The following WASHC4 variants were observed in gnomAD, a reference collection of about 807,000 sequenced individuals.
WASHC4 encodes the protein WASH complex subunit 7.
WASHC4 carries 86 observed loss-of-function variants against 166.6 expected under a neutral mutation model. The ratio of observed to expected loss-of-function variants is 0.52; its 90% CI spans 0.43 to 0.62. The LOEUF is 0.62. WASHC4 is among the 20% of genes least tolerant of loss of function. The probability of loss-of-function intolerance (pLI) is 0.00; values close to 1 mark genes in which losing one functional copy is unlikely to be tolerated. For missense variants in WASHC4, 1,262 were observed against 1,382.4 expected, an observed-to-expected ratio of 0.91 and a Z score of 1.38; for synonymous variants, 446 against 451.6, an observed-to-expected ratio of 0.99 and a Z score of 0.16.
At position 105,147,073 on chromosome 12, in the gene WASHC4, A is replaced by T; in HGVS notation, c.2441A>T (p.His814Leu). The T allele has an allele frequency of 1.2e-6, 2 of 1,610,392 alleles. No individual in the cohort carries two copies. Among genetic ancestry groups the T allele is most frequent in the Non-Finnish European group, 1.7e-6 (2 of 1,176,596 alleles). ...IFIERTSNNK[H>L]LNTINIRHIA... ...ATTGAACGAACAAGCAATAACAAGC[A>T]TTTGAATACTATTAATATTCGGCAT... is the stretch of plus-strand genomic sequence containing the variant. The change falls in exon 24 of 33, where the codon CAT (histidine) becomes CTT (leucine). Residue 814 changes from histidine to leucine, a missense_variant. Transcript: ENST00000332180.
intron 10 of WASHC4, 53 bp from the exon 11 acceptor site, chr12:105,125,951 T>C: frequency 6.5e-7 from 1 of 1,549,268 alleles, no homozygotes; most frequent in South Asian, 1.1e-5. Context: ...ATTTAAATGT[T>C]TAATCGTTTA....
intron 9 of WASHC4, among the ~76,000 whole-genome samples, chr12:105,121,431 T>C (rs1342220660): frequency 1.3e-5 from 2 of 152,214 alleles, no homozygotes; most frequent in African/African-American, 2.4e-5. Context: ...CTAATTCTTA[T>C]AGTAGTAGAA....
At chr12:105,115,584 A>AG in intron 5 of WASHC4, 77 bp from the exon 6 acceptor site, 1 of 1,074,432 alleles carries the variant, frequency 9.3e-7, no homozygotes. Context: ...AAAAAAAAAA[A>AG]CTTTTCCCCC....
chr12:105,130,390 T>A lies in WASHC4; in HGVS notation c.1199+3101T>A, dbSNP rs139469822. On this transcript the variant is annotated intron_variant, in intron 13 of 32. Coordinates refer to ENST00000332180, the MANE Select transcript of WASHC4 (RefSeq NM_015275.3). Reference sequence around the variant, plus strand: ...CAGTCCAAGATCTGTGGGAAGTGAGTCTTACTAAGTGGACAGTTGAATAAG... The same window carrying A: ...CAGTCCAAGATCTGTGGGAAGTGAGACTTACTAAGTGGACAGTTGAATAAG... 3.5e-4 allele frequency among the ~76,000 whole-genome samples: 54 copies of A among 152,246 alleles called. 1 individual carries two copies. The East Asian group carries it at 9.8e-3, about 28-fold the overall frequency.
Position 105,144,699 on chromosome 12 carries a change from A to C in WASHC4, c.2180-19A>C, listed in dbSNP as rs1364623252. On this transcript the variant is annotated intron_variant, in intron 21 of 32. Coordinates refer to ENST00000332180, the MANE Select transcript of WASHC4 (RefSeq NM_015275.3). Reference sequence around the variant, plus strand: ...TCCTTTTCTACTGTTTCACAAGTTGAATTTTTTTTTTTTGGTAGCTTACGT... The same window carrying C: ...TCCTTTTCTACTGTTTCACAAGTTGCATTTTTTTTTTTTGGTAGCTTACGT... 1 of 1,595,682 alleles carries C rather than the reference A, an allele frequency of 6.3e-7. No homozygotes were observed. The highest frequency in any genetic ancestry group is 1.4e-5 in the African/African-American group (1 of 74,010).
Position 105,164,667 on chromosome 12 carries a change from G to C in WASHC4, c.3381G>C (p.Leu1127=). 6.2e-7 allele frequency: 1 copy of C among 1,612,842 alleles called. No individual in the cohort carries two copies. The highest frequency in any genetic ancestry group is 8.5e-7 in the Non-Finnish European group (1 of 1,179,210). ...LQEFELLYFS[L]SSARIFFRAD... ...AATTTGAATTGCTGTATTTCTCACT[G>C]AGCAGTGCAAGAATTTTCTTCAGAG... The change falls in exon 32 of 33, where the codon CTG becomes CTC. Residue 1127 remains leucine (L), a synonymous_variant. Coordinates refer to ENST00000332180, the MANE Select transcript of WASHC4 (RefSeq NM_015275.3).
intron 5 of WASHC4, among the ~76,000 whole-genome samples, 154 bp downstream of exon 5, chr12:105,115,383 C>T (rs1565993305): frequency 6.6e-6 from 1 of 151,830 alleles, no homozygotes; most frequent in Non-Finnish European, 1.5e-5. Context: ...GGTAAAAAAG[C>T]TGAGGAAGCA....
chr12:105,141,040 C>G lies in WASHC4; in HGVS notation c.1702C>G (p.Gln568Glu). 2 of 1,614,134 alleles carry G rather than the reference C, an allele frequency of 1.2e-6. No homozygotes were observed. The highest frequency in any genetic ancestry group is 1.7e-6 in the Non-Finnish European group (2 of 1,180,004). ...TTCTTTGGCACTAAGTGTTGGCACA[C>G]AAATGGTAAGTGTATTGCTATTACT... ...IVSLALSVGTQMKTFKDEELF... is the reference protein window; with the variant it reads ...IVSLALSVGTEMKTFKDEELF... Residue 568 changes from glutamine to glutamate, a missense_variant, in exon 17 of 33, where the codon CAA becomes GAA. Transcript: ENST00000332180.
intron 30 of WASHC4, 60 bp downstream of exon 30, chr12:105,162,905 GAAA>G: frequency 1.2e-6 from 1 of 845,650 alleles, no homozygotes; most frequent in South Asian, 1.5e-5. Context: ...TGGATTCTTA[GAAA>G]CATCTGCTTG....
chr12:105,166,831 A>C, intron 32 of WASHC4, 33 bp from the exon 33 acceptor site: 3 of 1,413,982 alleles, frequency 2.1e-6, no homozygotes, highest in Non-Finnish European at 3.0e-6. Context: ...AATGAACATA[A>C]ATATCCATTA....
chr12:105,146,516 T>A lies in WASHC4; in HGVS notation c.2399T>A (p.Leu800His), dbSNP rs1430596931. ...HIFVSRYLYN[L>H]NNQIFIERTS... is the part of the protein sequence containing the mutation. ...TTTGTGTCCCGATACCTCTATAATC[T>A]CAACAATCAGGTGAGTAGGGTTTAT... The change falls in exon 23 of 33, where the codon CTC becomes CAC. Residue 800 changes from leucine (L) to histidine (H), a missense_variant. Leu to His is a moderately conservative substitution (Grantham distance 99). Coordinates refer to ENST00000332180, the MANE Select transcript of WASHC4 (RefSeq NM_015275.3). 1 of 1,594,752 alleles carries A rather than the reference T, an allele frequency of 6.3e-7. No homozygotes were observed.
intron 7 of WASHC4, among the ~76,000 whole-genome samples, chr12:105,119,818 T>C (rs1426411970): frequency 6.6e-6 from 1 of 152,142 alleles, no homozygotes; most frequent in Admixed American, 6.5e-5. Context: ...GCAAAATGAG[T>C]AGGAGGTAGA....
At chr12:105,138,374 AC>A (rs1882507076) in intron 15 of WASHC4, among the ~76,000 whole-genome samples, 2 of 149,614 alleles carry the variant, frequency 1.3e-5, no homozygotes, top group South Asian at 2.1e-4. Flanking sequence ...AAAAAAAAAA[AC>A]AGCTTGTCTA....
chr12:105,131,553 C>T (rs550244389), intron 13 of WASHC4, among the ~76,000 whole-genome samples: 18 of 152,318 alleles, frequency 1.2e-4, no homozygotes, highest in African/African-American at 4.1e-4. Context: ...GTTATTGACA[C>T]AGTTGCTCAT....
intron 9 of WASHC4, among the ~76,000 whole-genome samples, chr12:105,121,679 T>C (rs1010870396): frequency 6.6e-6 from 1 of 152,186 alleles, no homozygotes; most frequent in Non-Finnish European, 1.5e-5. Flanking sequence ...AGCTAACTTT[T>C]GTATTTTTAG....
intron 2 of WASHC4, among the ~76,000 whole-genome samples, chr12:105,112,167 G>C (rs921249707): frequency 2.0e-5 from 3 of 152,120 alleles, no homozygotes; most frequent in African/African-American, 7.2e-5. Context: ...GTGCTCCTTT[G>C]TTGCTGGCTT....
At chr12:105,136,130 T>C (rs1403928291) in intron 14 of WASHC4, among the ~76,000 whole-genome samples, 7 of 152,184 alleles carry the variant, frequency 4.6e-5, no homozygotes, top group African/African-American at 1.4e-4. Context: ...GTTGTTTAAT[T>C]CACCCTTACT....
At position 105,131,242 on chromosome 12, in the gene WASHC4, G is replaced by A. The variant is rs960597781; in HGVS notation, c.1200-2528G>A. ...GCTGGGACTACAGGCGCCCGCCACC[G>A]CGCCCGGCTAATTTTTTGTATTTTT... On this transcript the variant is annotated intron_variant, in intron 13 of 32. Transcript: ENST00000332180. 3.7e-4 allele frequency among the ~76,000 whole-genome samples: 55 copies of A among 150,510 alleles called. 1 individual carries two copies. Among genetic ancestry groups the A allele is most frequent in the Middle Eastern group, 3.4e-3 (1 of 292 alleles).
rs1452439045 is a variant in WASHC4 at position 105,142,451 on chromosome 12, A to G, written c.1788-2A>G. On this transcript the variant is annotated splice_acceptor_variant, in intron 18 of 32. Coordinates refer to ENST00000332180, the MANE Select transcript of WASHC4 (RefSeq NM_015275.3). LOFTEE classifies it high-confidence loss of function. ...GTGACTGATTACTACTTTACATTGT[A>G]GAGTCCAAACACAATGTGACTGTTG... The G allele has an allele frequency of 1.3e-6, 2 of 1,559,152 alleles. No homozygotes were observed. The highest frequency in any genetic ancestry group is 1.4e-5 in the African/African-American group (1 of 73,824).
Sources: allele counts gnomAD v4.1 joint callset (sites outside exome capture counted in the v4.1 genomes callset), GRCh38; gene constraint gnomAD v4.1.1; transcripts MANE v1.5; gene names NCBI Gene and HGNC (gene_info 2026-07-23, HGNC 2026-07-21).